ACVR1: variants seen among roughly 807,000 people sequenced by gnomAD.
ACVR1 encodes activin receptor type-1.
A neutral mutation model predicts 57.1 loss-of-function variants in ACVR1; 38 were observed. The ratio of observed to expected loss-of-function variants is 0.67; its 90% CI spans 0.51 to 0.87. The LOEUF (loss-of-function observed/expected upper bound fraction) is 0.87. Among genes scored for constraint, ACVR1 ranks in the 40% least tolerant of loss-of-function variants. The pLI is 0.00. For synonymous variants in ACVR1, 212 were observed against 228.1 expected (o/e 0.93, Z 0.63); for missense variants, 463 against 638.2 (o/e 0.73, Z 2.96).
At chr2:157,819,538 A>C (rs1688083445) in intron 1 of ACVR1, 1 of 151,722 alleles carries the variant, frequency 6.6e-6, no homozygotes, top group African/African-American at 2.4e-5. Flanking sequence ...CAAACTACAG[A>C]ATGAAAAGTC....
At chr2:157,838,362 C>G (rs1437976182) in intron 1 of ACVR1, 1 of 152,126 alleles carries the variant, frequency 6.6e-6, no homozygotes, top group Non-Finnish European at 1.5e-5. Context: ...AAAAAACAAC[C>G]CATAGTGACA....
intron 1 of ACVR1, among the ~76,000 whole-genome samples, chr2:157,838,920 C>T (rs1020780580): frequency 3.9e-5 from 6 of 152,124 alleles, no homozygotes; most frequent in African/African-American, 1.4e-4. Flanking sequence ...GCAATCCATC[C>T]TGCCCCTCAG....
At chr2:157,832,655 A>C (rs1320744474) in intron 1 of ACVR1, among the ~76,000 whole-genome samples, 1 of 152,242 alleles carries the variant, frequency 6.6e-6, no homozygotes, top group African/African-American at 2.4e-5. Flanking sequence ...CATTCAGTCC[A>C]CTAATGGAAT....
chr2:157,813,814 C>T (rs770397644), intron 2 of ACVR1, among the ~76,000 whole-genome samples: 3 of 152,162 alleles, frequency 2.0e-5, no homozygotes, highest in Non-Finnish European at 2.9e-5. Flanking sequence ...TTCAACCTAA[C>T]CCTAATTAAT....
chr2:157,798,368 C>T (rs1687198247), intron 3 of ACVR1, among the ~76,000 whole-genome samples: 1 of 151,960 alleles, frequency 6.6e-6, no homozygotes, highest in Non-Finnish European at 1.5e-5. Context: ...CCACTTATGA[C>T]AACTAAGCCA....
rs1283114953 is a variant in ACVR1, at chr2:157,876,240, C to T, written c.-627G>A. 1.4e-5 allele frequency among the ~76,000 whole-genome samples: 2 copies of T among 145,438 alleles called. No individual in the cohort carries two copies. The highest frequency in any genetic ancestry group is 5.1e-5 in the African/African-American group (2 of 39,244). ...CGGGCGGACCAGCTGGGCTTGCCCC[C>T]GGGGGCGGCGGGGGAGACCGTCACA... On this transcript the variant is annotated 5_prime_UTR_variant, in exon 1 of 11. Coordinates refer to ENST00000434821, the MANE Select transcript of ACVR1 (RefSeq NM_001111067.4).
At chr2:157,851,329 C>A (rs1031745998) in intron 1 of ACVR1, among the ~76,000 whole-genome samples, 5 of 151,926 alleles carry the variant, frequency 3.3e-5, no homozygotes, top group Non-Finnish European at 5.9e-5. Context: ...CAAGTGGCCA[C>A]CTGAAATATA....
intron 2 of ACVR1, among the ~76,000 whole-genome samples, chr2:157,812,702 A>G (rs1277587064): frequency 6.6e-6 from 1 of 152,226 alleles, no homozygotes; most frequent in Non-Finnish European, 1.5e-5. Flanking sequence ...ATTACAAATA[A>G]GTTTGTGCAA....
chr2:157,757,021 G>C (rs1479243827), intron 9 of ACVR1, among the ~76,000 whole-genome samples: 1 of 106,434 alleles, frequency 9.4e-6, no homozygotes, highest in Non-Finnish European at 1.8e-5. Flanking sequence ...ATATATATTT[G>C]ATATATATAT....
intron 1 of ACVR1, among the ~76,000 whole-genome samples, chr2:157,820,500 G>A (rs887936086): frequency 4.6e-5 from 7 of 151,950 alleles, no homozygotes; most frequent in Non-Finnish European, 1.0e-4. Context: ...GTAGGAAGAG[G>A]TTTAGATAAG....
At chr2:157,837,855 C>G (rs1198913370) in intron 1 of ACVR1, among the ~76,000 whole-genome samples, 4 of 152,144 alleles carry the variant, frequency 2.6e-5, no homozygotes, top group African/African-American at 9.7e-5. Flanking sequence ...GCCCCGCAAG[C>G]CAGTCATTGA....
intron 7 of ACVR1, among the ~76,000 whole-genome samples, chr2:157,766,833 C>A (rs996177638): frequency 1.3e-5 from 2 of 152,032 alleles, no homozygotes; most frequent in Non-Finnish European, 2.9e-5. Context: ...GATGTAAAAA[C>A]GAAAACACTA....
intron 1 of ACVR1, among the ~76,000 whole-genome samples, chr2:157,841,750 A>G (rs558091039): frequency 1.3e-5 from 2 of 152,302 alleles, no homozygotes; most frequent in African/African-American, 2.4e-5. Flanking sequence ...TTGGCAGGGC[A>G]CGGTGGCTAA....
intron 1 of ACVR1, among the ~76,000 whole-genome samples, chr2:157,868,635 T>C (rs1475409452): frequency 6.6e-6 from 1 of 152,128 alleles, no homozygotes; most frequent in Non-Finnish European, 1.5e-5. Flanking sequence ...CAAAATAACA[T>C]CCAATTGGTA....
intron 8 of ACVR1, among the ~76,000 whole-genome samples, chr2:157,762,143 CTG>C (rs893536899): frequency 3.3e-5 from 5 of 152,200 alleles, no homozygotes; most frequent in African/African-American, 1.2e-4. Flanking sequence ...TCTATGGACA[CTG>C]TGAACATTTC....
At chr2:157,863,161 C>T (rs907876928) in intron 1 of ACVR1, among the ~76,000 whole-genome samples, 1 of 149,426 alleles carries the variant, frequency 6.7e-6, no homozygotes, top group Admixed American at 6.7e-5. Context: ...TACAGGTGTG[C>T]ACCACCATAC....
intron 1 of ACVR1, among the ~76,000 whole-genome samples, chr2:157,856,076 TAC>T (rs1386847967): frequency 1.3e-5 from 2 of 152,076 alleles, no homozygotes; most frequent in Admixed American, 6.5e-5. Flanking sequence ...TAGTCTGAAG[TAC>T]AGATTCTTTG....
At chr2:157,863,374 C>G (rs1449835205) in intron 1 of ACVR1, among the ~76,000 whole-genome samples, 1 of 46,630 alleles carries the variant, frequency 2.1e-5, no homozygotes, top group Admixed American at 4.1e-4. Context: ...TTTTGCTACT[C>G]TACACCTAGT....
chr2:157,836,973 T>G (rs1004834244), intron 1 of ACVR1, among the ~76,000 whole-genome samples: 2 of 152,198 alleles, frequency 1.3e-5, no homozygotes, highest in Admixed American at 6.5e-5. Flanking sequence ...TCTGCACCCA[T>G]GAACAGGAAG....
Sources: allele counts gnomAD v4.1 joint callset (sites outside exome capture counted in the v4.1 genomes callset), GRCh38; gene constraint gnomAD v4.1.1; transcripts MANE v1.5; gene names NCBI Gene and HGNC (gene_info 2026-07-23, HGNC 2026-07-21).